Variants in FRMD4A observed in about 807,000 individuals in gnomAD.
FRMD4A encodes the protein FERM domain containing 4A, also known as FERM domain-containing protein 4A.
In FRMD4A, 29 loss-of-function variants were observed where a neutral mutation model predicts 129.1. The observed-to-expected ratio is 0.22, with a 90% CI of 0.17 to 0.31. The LOEUF (loss-of-function observed/expected upper bound fraction) is 0.31, where lower values mean the gene tolerates loss of function less well. FRMD4A is among the 10% of genes least tolerant of loss of function. FRMD4A has a pLI of 1.00. For synonymous variants in FRMD4A, 634 were observed against 571.6 expected (o/e 1.11, Z -1.56); for missense variants, 1,272 against 1,375.8 (o/e 0.92, Z 1.19).
chr10:14,246,734 T>C (rs537522909), intron 2 of FRMD4A, among the ~76,000 whole-genome samples: 6 of 152,178 alleles, frequency 3.9e-5, no homozygotes, highest in African/African-American at 1.4e-4. Context: ...CCAAAGGACG[T>C]TGTGGCGCCA....
At chr10:13,999,077 T>C (rs1227333181) in intron 2 of FRMD4A, among the ~76,000 whole-genome samples, 1 of 151,976 alleles carries the variant, frequency 6.6e-6, no homozygotes, top group Non-Finnish European at 1.5e-5. Flanking sequence ...TCAAGCCCAC[T>C]CCTGCCTCTG....
chr10:13,741,991 G>A (rs1221575817), intron 9 of FRMD4A, among the ~76,000 whole-genome samples: 2 of 152,076 alleles, frequency 1.3e-5, no homozygotes, highest in Admixed American at 6.5e-5. Context: ...TGAGTAGCTG[G>A]GATTACAGGT....
At chr10:14,130,626 AT>A (rs1210012082) in intron 2 of FRMD4A, among the ~76,000 whole-genome samples, 2 of 152,168 alleles carry the variant, frequency 1.3e-5, no homozygotes, top group East Asian at 1.9e-4. Flanking sequence ...CCCCGGTGAT[AT>A]TGGTAAGCGC....
At chr10:14,266,496 G>T (rs1358509873) in intron 2 of FRMD4A, among the ~76,000 whole-genome samples, 1 of 98,746 alleles carries the variant, frequency 1.0e-5, no homozygotes, top group African/African-American at 3.8e-5. Context: ...TAGATGTTGT[G>T]CTCTGTGTGT....
At chr10:13,891,772 CCCG>C in intron 2 of FRMD4A, 1 of 979,212 alleles carries the variant, frequency 1.0e-6, no homozygotes. Context: ...CCGCCCCGTC[CCCG>C]CCGCCGCCCC....
chr10:14,185,604 G>A (rs58121388), intron 2 of FRMD4A, among the ~76,000 whole-genome samples: 10,288 of 141,932 alleles, frequency 0.072, 574 homozygotes, highest in African/African-American at 0.15. Context: ...AACAGGTAGA[G>A]AGACAGAAAG....
At chr10:14,223,853 G>C (rs182244488) in intron 2 of FRMD4A, among the ~76,000 whole-genome samples, 30 of 151,668 alleles carry the variant, frequency 2.0e-4, no homozygotes, top group African/African-American at 7.3e-4. Context: ...TCTCCCTGTC[G>C]TTGGACTCCC....
chr10:13,681,208 G>A (rs549402293), intron 15 of FRMD4A, among the ~76,000 whole-genome samples: 1 of 152,278 alleles, frequency 6.6e-6, no homozygotes, highest in African/African-American at 2.4e-5. Flanking sequence ...CCTTCTGCCA[G>A]TGCTGCTCTC....
Position 13,654,173 on chromosome 10 carries a change from C to A in FRMD4A, c.3050+243G>T. 5.3e-6 allele frequency: 3 copies of A among 569,028 alleles called. No individual in the cohort carries two copies. The South Asian group carries it at 7.0e-5, about 13-fold the overall frequency. 35.2% of individuals were successfully genotyped at this position (569,028 alleles called of 1,614,324 possible). On this transcript the variant is annotated intron_variant, in intron 23 of 24. Transcript: ENST00000357447. ...GTCCCACTTCGTGCTTCCATCTCCC[C>A]ACATCCCAAGGACCACCGCCTACTT...
intron 2 of FRMD4A, among the ~76,000 whole-genome samples, chr10:14,020,617 G>A (rs1175023448): frequency 6.6e-6 from 1 of 152,078 alleles, no homozygotes; most frequent in Non-Finnish European, 1.5e-5. Context: ...GGGGCATCAG[G>A]CAATCTCCCT....
Position 13,925,883 on chromosome 10 carries a change from CTTT to C in FRMD4A, c.46-66974_46-66972del, listed in dbSNP as rs150868660. ...CAGGGGTGAGCCACTGCACCTGGCTCTTTTTTTTTTTTTTTTTTAGTATAAAAT... is the reference window on the plus strand; with the variant it reads ...CAGGGGTGAGCCACTGCACCTGGCTCTTTTTTTTTTTTTTTAGTATAAAAT... On this transcript the variant is annotated intron_variant, in intron 2 of 24. Transcript: ENST00000357447. 4.5e-3 allele frequency among the ~76,000 whole-genome samples: 604 copies of C among 135,492 alleles called. 1 individual carries two copies. Among genetic ancestry groups the C allele is most frequent in the African/African-American group, 9.2e-3 (337 of 36,684 alleles). 88.9% of individuals were successfully genotyped at this position (135,492 alleles called of 152,430 possible).
At chr10:14,212,360 T>C (rs1051656881) in intron 2 of FRMD4A, among the ~76,000 whole-genome samples, 2 of 152,166 alleles carry the variant, frequency 1.3e-5, no homozygotes, top group African/African-American at 4.8e-5. Context: ...TTCAGCTTCA[T>C]CTAAATGACC....
At chr10:13,978,253 G>A (rs1210475714) in intron 2 of FRMD4A, among the ~76,000 whole-genome samples, 1 of 152,092 alleles carries the variant, frequency 6.6e-6, no homozygotes, top group East Asian at 1.9e-4. Context: ...GGTGGAGGCA[G>A]CAACAGAAAG....
intron 2 of FRMD4A, among the ~76,000 whole-genome samples, chr10:14,306,933 T>C (rs1436299300): frequency 2.0e-5 from 3 of 152,168 alleles, no homozygotes; most frequent in African/African-American, 7.2e-5. Context: ...AGGTACAACA[T>C]TTAGCAAACT....
intron 2 of FRMD4A, among the ~76,000 whole-genome samples, chr10:14,166,665 A>C (rs1841194638): frequency 6.6e-6 from 1 of 152,204 alleles, no homozygotes; most frequent in Non-Finnish European, 1.5e-5. Context: ...ACAGTCAGTC[A>C]ATGCTGGTTA....
intron 5 of FRMD4A, among the ~76,000 whole-genome samples, chr10:13,787,236 G>A (rs1208289085): frequency 1.3e-5 from 2 of 152,140 alleles, no homozygotes; most frequent in East Asian, 3.9e-4. Context: ...CGTGAGCTCC[G>A]GGCCTGTCAT....
At chr10:14,194,344 T>C (rs976647839) in intron 2 of FRMD4A, among the ~76,000 whole-genome samples, 18 of 152,088 alleles carry the variant, frequency 1.2e-4, no homozygotes, top group African/African-American at 2.4e-4. Context: ...GGTGCAGTGG[T>C]TCAGGCCTGT....
At chr10:14,022,632 G>A (rs1299452791) in intron 2 of FRMD4A, among the ~76,000 whole-genome samples, 1 of 152,208 alleles carries the variant, frequency 6.6e-6, no homozygotes, top group East Asian at 1.9e-4. Context: ...GGGAGGTTGG[G>A]CTAGAGATGA....
At chr10:13,993,622 A>C (rs1003560407) in intron 2 of FRMD4A, among the ~76,000 whole-genome samples, 5 of 152,174 alleles carry the variant, frequency 3.3e-5, no homozygotes, top group South Asian at 2.1e-4. Flanking sequence ...ATATCTTCCC[A>C]AAACAAAAAA....
Sources: gnomAD v4.1 joint callset for allele counts (sites outside exome capture counted in the v4.1 genomes callset) on GRCh38, gnomAD v4.1.1 for gene constraint, MANE v1.5 for transcripts, NCBI Gene and HGNC (gene_info 2026-07-23, HGNC 2026-07-21) for gene names.